The following MRTFA variants were observed in gnomAD, a reference collection of about 807,000 sequenced individuals.
MRTFA encodes the protein myocardin-related transcription factor A.
MRTFA carries 20 observed loss-of-function variants against 83.5 expected under a neutral mutation model. The observed-to-expected ratio is 0.24, with a 90% CI of 0.17 to 0.35. The LOEUF (loss-of-function observed/expected upper bound fraction) is 0.35, where lower values mean the gene tolerates loss of function less well. Among genes scored for constraint, MRTFA ranks in the 10% least tolerant of loss-of-function variants. MRTFA has a pLI of 1.00. For synonymous variants in MRTFA, 659 were observed against 541.2 expected (o/e 1.22, Z -3.02); for missense variants, 1,200 against 1,224.7 (o/e 0.98, Z 0.30).
intron 2 of MRTFA, among the ~76,000 whole-genome samples, chr22:40,579,860 C>CA (rs199724138): frequency 0.11 from 12,760 of 115,364 alleles, 705 homozygotes; most frequent in East Asian, 0.26. Context: ...AACTCCATCT[C>CA]AAAAAAAAAA....
At chr22:40,425,162 G>A (rs2052926779) in intron 7 of MRTFA, among the ~76,000 whole-genome samples, 1 of 152,262 alleles carries the variant, frequency 6.6e-6, no homozygotes, top group Admixed American at 6.5e-5. Context: ...GAGGCCAACT[G>A]GAAGCAGAGG....
At chr22:40,465,794 G>A (rs2053804061) in intron 3 of MRTFA, among the ~76,000 whole-genome samples, 3 of 152,008 alleles carry the variant, frequency 2.0e-5, no homozygotes, top group African/African-American at 7.2e-5. Flanking sequence ...TGAACTCCTG[G>A]GCTGAAGTGA....
intron 2 of MRTFA, among the ~76,000 whole-genome samples, chr22:40,591,230 TAAC>T (rs2056116497): frequency 7.3e-6 from 1 of 137,512 alleles, no homozygotes. Flanking sequence ...CATTATAAAA[TAAC>T]AACTTTCCAC....
chr22:40,535,416 G>C (rs1186223799), intron 3 of MRTFA, among the ~76,000 whole-genome samples: 4 of 126,088 alleles, frequency 3.2e-5, no homozygotes, highest in African/African-American at 1.2e-4. Context: ...ACAATGGCAT[G>C]ATCTCAGGTC....
intron 3 of MRTFA, among the ~76,000 whole-genome samples, chr22:40,550,820 C>G (rs886362149): frequency 3.3e-5 from 5 of 149,334 alleles, no homozygotes; most frequent in African/African-American, 1.2e-4. Flanking sequence ...ACACAATTTT[C>G]TATATTGTTC....
intron 3 of MRTFA, among the ~76,000 whole-genome samples, chr22:40,503,612 T>G (rs1219956992): frequency 6.6e-6 from 1 of 152,234 alleles, no homozygotes; most frequent in African/African-American, 2.4e-5. Context: ...AAGGCTGTAC[T>G]GCAAAGAAGG....
intron 1 of MRTFA, among the ~76,000 whole-genome samples, chr22:40,614,277 A>G (rs2056423184): frequency 6.6e-6 from 1 of 151,674 alleles, no homozygotes; most frequent in Admixed American, 6.6e-5. Flanking sequence ...CAGGCATGGT[A>G]GCACCCACCT....
intron 14 of MRTFA, chr22:40,412,585 G>A (rs559196609): frequency 4.3e-4 from 65 of 152,320 alleles, no homozygotes; most frequent in African/African-American, 1.5e-3. Flanking sequence ...GTCCATCAAT[G>A]GATGAAGGAA....
At chr22:40,429,189 A>G (rs6001911) in intron 7 of MRTFA, among the ~76,000 whole-genome samples, 17,735 of 152,178 alleles carry the variant, frequency 0.12, 1,190 homozygotes, top group East Asian at 0.24. Flanking sequence ...AGTATTTGTT[A>G]AGTGAAATAT....
chr22:40,498,414 A>G (rs1397089993), intron 3 of MRTFA, among the ~76,000 whole-genome samples: 1 of 146,458 alleles, frequency 6.8e-6, no homozygotes, highest in African/African-American at 2.5e-5. Context: ...CCTCCCAAGT[A>G]GCGGGGACTA....
At chr22:40,446,438 G>T (rs578130176) in intron 4 of MRTFA, among the ~76,000 whole-genome samples, 1 of 152,136 alleles carries the variant, frequency 6.6e-6, no homozygotes. Flanking sequence ...TTAGGGAAGT[G>T]GGGGAGAAAC....
chr22:40,469,130 C>G (rs145139627), intron 3 of MRTFA, among the ~76,000 whole-genome samples: 183 of 152,312 alleles, frequency 1.2e-3, no homozygotes, highest in African/African-American at 4.1e-3. Context: ...ATCTACCTCA[C>G]TCTCAACAAT....
Position 40,429,646 on chromosome 22 carries a change from G to A in MRTFA, c.561C>T (p.Asn187=). ...TCAGGCTGGACTCAACAGGAAGGAT[G>A]TTCTTCTCCACCAGCTCCATGGGGC... Residue 187 remains asparagine (N), a synonymous_variant, in exon 7 of 15, where the codon AAC becomes AAT. Transcript: ENST00000355630. 3 of 1,614,156 alleles carry A rather than the reference G, an allele frequency of 1.9e-6. No individual in the cohort carries two copies. In the South Asian group the frequency reaches 3.3e-5, roughly 18 times the overall value.
At chr22:40,630,651 G>GA (rs2056632181) in intron 1 of MRTFA, among the ~76,000 whole-genome samples, 1 of 152,156 alleles carries the variant, frequency 6.6e-6, no homozygotes, top group Non-Finnish European at 1.5e-5. Flanking sequence ...TCCGTCCTTT[G>GA]AATTCCTAAA....
intron 3 of MRTFA, among the ~76,000 whole-genome samples, chr22:40,527,133 C>CAT (rs757026924): frequency 2.2e-5 from 3 of 139,352 alleles, no homozygotes; most frequent in Non-Finnish European, 1.6e-5. Flanking sequence ...CTCAAAGATA[C>CAT]ACACACACAC....
chr22:40,443,947 A>G (rs987024064), intron 4 of MRTFA, among the ~76,000 whole-genome samples: 2 of 152,160 alleles, frequency 1.3e-5, no homozygotes, highest in Non-Finnish European at 2.9e-5. Flanking sequence ...ATGCACCCCC[A>G]CCATGGTGTG....
chr22:40,459,975 C>T (rs368255861), intron 4 of MRTFA, among the ~76,000 whole-genome samples: 2 of 151,502 alleles, frequency 1.3e-5, no homozygotes, highest in African/African-American at 2.4e-5. Context: ...GACGGGGTCT[C>T]GCTGTTGCCT....
intron 3 of MRTFA, among the ~76,000 whole-genome samples, chr22:40,539,941 ACT>A (rs2055262453): frequency 8.3e-6 from 1 of 120,744 alleles, no homozygotes; most frequent in South Asian, 2.5e-4. Context: ...ACAGGGTCTC[ACT>A]CTGTTGCCCA....
At chr22:40,590,703 G>A (rs1019599850) in intron 2 of MRTFA, among the ~76,000 whole-genome samples, 7 of 145,206 alleles carry the variant, frequency 4.8e-5, no homozygotes, top group African/African-American at 1.3e-4. Flanking sequence ...AAAAGGAAAA[G>A]CTCAAGTGTA....
Sources: allele counts gnomAD v4.1 joint callset (sites outside exome capture counted in the v4.1 genomes callset), GRCh38; gene constraint gnomAD v4.1.1; transcripts MANE v1.5; gene names NCBI Gene and HGNC (gene_info 2026-07-23, HGNC 2026-07-21).